The following INSC variants were observed in gnomAD, a reference collection of about 807,000 sequenced individuals.
The protein encoded by INSC is protein inscuteable homolog.
INSC carries 67 observed loss-of-function variants against 58.6 expected under a neutral mutation model. The observed-to-expected ratio is 1.14, with a 90% CI of 0.94 to 1.40. INSC has a LOEUF of 1.40. INSC is among the 40% of genes most tolerant of loss of function. The pLI is 0.00. For missense variants in INSC, 714 were observed against 692.0 expected (o/e 1.03, Z -0.36); for synonymous variants, 262 against 276.1 (o/e 0.95, Z 0.51).
chr11:15,207,789 C>A (rs989190792), intron 7 of INSC, among the ~76,000 whole-genome samples: 2 of 152,166 alleles, frequency 1.3e-5, no homozygotes, highest in Non-Finnish European at 2.9e-5. Context: ...AGCAAAAAAA[C>A]CTCACTTTAA....
chr11:15,112,074 G>C (rs1847584682), upstream of INSC, among the ~76,000 whole-genome samples: 1 of 152,194 alleles, frequency 6.6e-6, no homozygotes, highest in Non-Finnish European at 1.5e-5. Context: ...AGCATGTCTT[G>C]CTGCTGGTGT....
At chr11:15,129,946 G>A (rs1014312853) in intron 1 of INSC, among the ~76,000 whole-genome samples, 1 of 152,222 alleles carries the variant, frequency 6.6e-6, no homozygotes, top group African/African-American at 2.4e-5. Context: ...GTGGCTGGAT[G>A]AACACAGCAG....
intron 1 of INSC, among the ~76,000 whole-genome samples, chr11:15,129,017 G>A (rs1848063992): frequency 6.6e-6 from 1 of 152,128 alleles, no homozygotes; most frequent in Admixed American, 6.5e-5. Flanking sequence ...ATTTCTCTCT[G>A]GGCCAATCCA....
rs1029950902 is a variant in INSC at position 15,201,050 on chromosome 11, C to T, written c.819+101C>T. Reference sequence around the variant, plus strand: ...TCTGTTCCTTTTCATGGACCAAGTGCCTCGAGTAGTCCTTTTCCCAGGCAC... The same window carrying T: ...TCTGTTCCTTTTCATGGACCAAGTGTCTCGAGTAGTCCTTTTCCCAGGCAC... On this transcript the variant is annotated intron_variant, in intron 7 of 12. Coordinates refer to ENST00000379556, the MANE Select transcript of INSC (RefSeq NM_001042536.3). 2.2e-5 allele frequency: 31 copies of T among 1,394,368 alleles called. No homozygotes were observed. In the African/African-American group the frequency reaches 3.6e-4, roughly 16 times the overall value. 86.4% of individuals were successfully genotyped at this position (1,394,368 alleles called of 1,614,324 possible).
At chr11:15,231,191 C>G (rs888755060) in intron 9 of INSC, among the ~76,000 whole-genome samples, 1 of 152,312 alleles carries the variant, frequency 6.6e-6, no homozygotes, top group South Asian at 2.1e-4. Flanking sequence ...CCTTAGATCC[C>G]TTAATTCTAC....
At chr11:15,263,754 A>G in the INSC span, among the ~76,000 whole-genome samples, 1 of 152,036 alleles carries the variant, frequency 6.6e-6, no homozygotes, top group African/African-American at 2.4e-5. Flanking sequence ...CTGGGCTCTT[A>G]TCGGAAGGCT....
At chr11:15,202,065 T>C (rs1468201825) in intron 7 of INSC, among the ~76,000 whole-genome samples, 1 of 152,208 alleles carries the variant, frequency 6.6e-6, no homozygotes, top group Non-Finnish European at 1.5e-5. Flanking sequence ...GGATGGAATG[T>C]GGATAGGGAA....
chr11:15,241,485 A>G (rs1005969758), intron 12 of INSC: 5 of 682,952 alleles, frequency 7.3e-6, no homozygotes, highest in African/African-American at 3.5e-5. Flanking sequence ...GAGCTGTGTG[A>G]CATTTGATAA....
In INSC at chr11:15,228,789, C is replaced by T. The variant is rs531299836; in HGVS notation, c.1170+2961C>T. Among the ~76,000 whole-genome samples the T allele has an allele frequency of 7.2e-5, 11 of 152,294 alleles. No homozygotes were observed. In the South Asian group the frequency reaches 2.3e-3, roughly 32 times the overall value. On this transcript the variant is annotated intron_variant, in intron 9 of 12. Coordinates refer to ENST00000379556, the MANE Select transcript of INSC (RefSeq NM_001042536.3). ...TTCCATCATCCTGGCAAGCCAGGTC[C>T]ACTTAATTTGTTCAACAGAAGCCTC...
chr11:15,139,059 T>C (rs1164606977), intron 1 of INSC, among the ~76,000 whole-genome samples: 1 of 152,224 alleles, frequency 6.6e-6, no homozygotes, highest in Non-Finnish European at 1.5e-5. Flanking sequence ...AAATCATATT[T>C]GTGAAGCTAT....
chr11:15,188,354 A>G, intron 5 of INSC: 1 of 985,454 alleles, frequency 1.0e-6, no homozygotes, highest in Non-Finnish European at 1.2e-6. Context: ...TGCCTACATT[A>G]AAGGAGATGG....
intron 2 of INSC, among the ~76,000 whole-genome samples, chr11:15,171,840 T>C (rs1849411490): frequency 6.6e-6 from 1 of 152,246 alleles, no homozygotes; most frequent in Non-Finnish European, 1.5e-5. Flanking sequence ...CAATAATCCC[T>C]GTCTGTATGA....
chr11:15,186,188 G>A (rs1849959650), intron 5 of INSC, among the ~76,000 whole-genome samples: 1 of 152,086 alleles, frequency 6.6e-6, no homozygotes, highest in Admixed American at 6.6e-5. Flanking sequence ...GGGCTTCTCA[G>A]AATAGCATCT....
At chr11:15,175,524 G>C (rs1432092301) in intron 2 of INSC, among the ~76,000 whole-genome samples, 1 of 152,102 alleles carries the variant, frequency 6.6e-6, no homozygotes, top group Non-Finnish European at 1.5e-5. Context: ...CCTGTTGCTT[G>C]TTAGTCTGGT....
chr11:15,128,595 G>T (rs959803794), intron 1 of INSC, among the ~76,000 whole-genome samples: 10 of 152,176 alleles, frequency 6.6e-5, no homozygotes. Context: ...TCACTTTTTG[G>T]ACTTGGGAAG....
chr11:15,200,779 C>G lies in INSC; in HGVS notation c.694-45C>G, dbSNP rs758865082. 1.9e-6 allele frequency: 3 copies of G among 1,610,674 alleles called. No individual in the cohort carries two copies. The Admixed American group carries it at 5.0e-5, about 27-fold the overall frequency. On this transcript the variant is annotated intron_variant, in intron 6 of 12. Coordinates refer to ENST00000379556, the MANE Select transcript of INSC (RefSeq NM_001042536.3). ...CACTTATTCTTGAGTTAGCCCCAGACAAGGTCACACAGTAAGATGATGTGA... is the reference window on the plus strand; with the variant it reads ...CACTTATTCTTGAGTTAGCCCCAGAGAAGGTCACACAGTAAGATGATGTGA...
rs112337509 is a variant in INSC at position 15,134,827 on chromosome 11, C to CTTTATTTA, written c.-45-14279_-45-14272dup. 1.8e-3 allele frequency among the ~76,000 whole-genome samples: 273 copies of CTTTATTTA among 150,914 alleles called. 1 individual carries two copies. The highest frequency in any genetic ancestry group is 8.0e-3 in the South Asian group (38 of 4,762). ...CTGTGAGTCAAGTCTCATCTTCCTC[C>CTTTATTTA]TTTATTTATTTATTTATTTATTTAT... is the stretch of plus-strand genomic sequence containing the variant. On this transcript the variant is annotated intron_variant, in intron 1 of 12. Transcript: ENST00000379556.
At chr11:15,189,466 T>G (rs1781297898) in intron 5 of INSC, among the ~76,000 whole-genome samples, 3 of 152,120 alleles carry the variant, frequency 2.0e-5, no homozygotes. Flanking sequence ...CTCCTGGACT[T>G]GAGCAATCCC....
chr11:15,234,416 A>G (rs1852042005), intron 9 of INSC, among the ~76,000 whole-genome samples: 1 of 152,260 alleles, frequency 6.6e-6, no homozygotes. Context: ...AGAGTAAAAT[A>G]GTAATATGTG....
Sources: allele counts gnomAD v4.1 joint callset (sites outside exome capture counted in the v4.1 genomes callset), GRCh38; gene constraint gnomAD v4.1.1; transcripts MANE v1.5; gene names NCBI Gene and HGNC (gene_info 2026-07-23, HGNC 2026-07-21).